Variants in LRCH3 observed in about 807,000 individuals in gnomAD.
LRCH3 encodes the protein DISP complex protein LRCH3.
A neutral mutation model predicts 104.5 loss-of-function variants in LRCH3; 68 were observed. The ratio of observed to expected loss-of-function variants is 0.65; its 90% CI spans 0.54 to 0.80. The LOEUF (loss-of-function observed/expected upper bound fraction) is 0.80, where lower values mean the gene tolerates loss of function less well. LRCH3 is among the 30% of genes least tolerant of loss of function. The probability of loss-of-function intolerance (pLI) is 0.00; values close to 1 mark genes in which losing one functional copy is unlikely to be tolerated. For missense variants in LRCH3, 951 were observed against 953.9 expected (o/e 1.00, Z 0.04); for synonymous variants, 344 against 361.3 (o/e 0.95, Z 0.54).
chr3:197,846,412 C>A (rs1314189864), intron 10 of LRCH3, among the ~76,000 whole-genome samples: 22 of 132,224 alleles, frequency 1.7e-4, no homozygotes, highest in African/African-American at 6.1e-4. Flanking sequence ...AAAAAAAAAA[C>A]GGCTGGGCGC....
At chr3:197,880,469 A>T in intron 20 of LRCH3, 1 of 1,425,974 alleles carries the variant, frequency 7.0e-7, no homozygotes, top group Non-Finnish European at 9.5e-7. Context: ...TGATCCACTG[A>T]CTTTGTTTTT....
intron 15 of LRCH3, among the ~76,000 whole-genome samples, chr3:197,860,579 C>T (rs1015746569): frequency 6.6e-5 from 10 of 151,146 alleles, no homozygotes; most frequent in East Asian, 1.9e-4. Flanking sequence ...ACATTAAAAC[C>T]GAATTCTTGT....
intron 1 of LRCH3, among the ~76,000 whole-genome samples, chr3:197,802,529 T>C (rs1181743930): frequency 1.3e-5 from 2 of 152,202 alleles, no homozygotes; most frequent in Non-Finnish European, 2.9e-5. Flanking sequence ...CCTCGTAAAA[T>C]GCGTTTGGAA....
At chr3:197,879,447 C>A (rs1167578556) in intron 20 of LRCH3, among the ~76,000 whole-genome samples, 1 of 151,210 alleles carries the variant, frequency 6.6e-6, no homozygotes, top group East Asian at 1.9e-4. Flanking sequence ...GAGATCGAGA[C>A]CATCCTGGCT....
intron 10 of LRCH3, among the ~76,000 whole-genome samples, chr3:197,845,800 G>A (rs1053977372): frequency 1.9e-4 from 29 of 152,156 alleles, no homozygotes; most frequent in African/African-American, 5.8e-4. Flanking sequence ...AGCTACTCAG[G>A]AGGCTGACGC....
Position 197,870,144 on chromosome 3 carries a change from A to G in LRCH3, c.1874-16A>G. ...TGCCAGTTGCCTTTCTGTCTTACAT[A>G]TTAATATTTTTATAGGTCATGCTTC... On this transcript the variant is annotated splice_polypyrimidine_tract_variant and intron_variant, in intron 17 of 20. Coordinates refer to ENST00000425562, the MANE Select transcript of LRCH3 (RefSeq NM_001365715.1). 6.2e-7 allele frequency: 1 copy of G among 1,609,296 alleles called. No individual in the cohort carries two copies. Among genetic ancestry groups the G allele is most frequent in the South Asian group, 1.1e-5 (1 of 90,548 alleles).
chr3:197,796,290 G>A (rs2109093528), intron 1 of LRCH3, among the ~76,000 whole-genome samples: 1 of 152,152 alleles, frequency 6.6e-6, no homozygotes, highest in Middle Eastern at 3.4e-3. Context: ...TGTTTGAATT[G>A]TGCAATAATA....
intron 8 of LRCH3, among the ~76,000 whole-genome samples, chr3:197,833,008 C>T (rs1026880158): frequency 2.6e-5 from 4 of 152,046 alleles, no homozygotes; most frequent in African/African-American, 9.7e-5. Context: ...TTCTCAGTGA[C>T]GATTTCAATT....
chr3:197,802,379 C>A (rs531546193), intron 1 of LRCH3, among the ~76,000 whole-genome samples: 1 of 152,172 alleles, frequency 6.6e-6, no homozygotes, highest in Admixed American at 6.6e-5. Context: ...TTGGAAAGAC[C>A]AAGATCTAGG....
Position 197,856,632 on chromosome 3 carries a change from C to T in LRCH3, c.1644+2187C>T, listed in dbSNP as rs1740283126. Among the ~76,000 whole-genome samples the T allele has an allele frequency of 6.6e-6, 1 of 152,150 alleles. No homozygotes were observed. Among genetic ancestry groups the T allele is most frequent in the Admixed American group, 6.5e-5 (1 of 15,274 alleles). Reference sequence around the variant, plus strand: ...TAACTCCAGGGCTCAAGCAATCCTCCTGCCCCAGCCTCCCAAAGTGCTGAG... The same window carrying T: ...TAACTCCAGGGCTCAAGCAATCCTCTTGCCCCAGCCTCCCAAAGTGCTGAG... On this transcript the variant is annotated intron_variant, in intron 14 of 20. Transcript: ENST00000425562. The surrounding 1 kb of genome is among the most constrained non-coding windows in gnomAD (Gnocchi z 4.2).
At chr3:197,839,451 A>G in intron 10 of LRCH3, 54 bp downstream of exon 10, 1 of 1,219,502 alleles carries the variant, frequency 8.2e-7, no homozygotes, top group Non-Finnish European at 1.2e-6. Context: ...TGAGAGCATA[A>G]AGTAATTTTG....
chr3:197,848,490 T>C (rs9325407), intron 12 of LRCH3: 7,467 of 153,160 alleles, frequency 0.049, 648 homozygotes, highest in African/African-American at 0.17. Flanking sequence ...CATTAATATT[T>C]CTTAACGTTT....
intron 20 of LRCH3, among the ~76,000 whole-genome samples, chr3:197,876,851 C>G (rs895854634): frequency 9.2e-5 from 13 of 141,202 alleles, no homozygotes; most frequent in Admixed American, 9.0e-4. Context: ...GGCAGTGATT[C>G]TCTTTACCCA....
At chr3:197,797,953 CA>C (rs1463731295) in intron 1 of LRCH3, among the ~76,000 whole-genome samples, 1 of 150,470 alleles carries the variant, frequency 6.6e-6, no homozygotes, top group Non-Finnish European at 1.5e-5. Flanking sequence ...AGTTATTTCA[CA>C]AATGAGAAGC....
In LRCH3 at chr3:197,812,505, T is replaced by TTTTTTTTTTTTG. The variant is rs1560530884; in HGVS notation, c.263-2392_263-2391insGTTTTTTTTTTT. On this transcript the variant is annotated intron_variant, in intron 1 of 20. Transcript: ENST00000425562. The stretch of plus-strand genomic sequence containing the variant: ...TATCTGTTCAAGTCTCTGCTTTCAG[T>TTTTTTTTTTTTG]TTTTTTTTTTTTTTTTTTTTTTTTT... Among the ~76,000 whole-genome samples, 57 of 83,462 alleles carry TTTTTTTTTTTTG rather than the reference T, an allele frequency of 6.8e-4. 6 individuals carry two copies. Among genetic ancestry groups the TTTTTTTTTTTTG allele is most frequent in the Admixed American group, 1.5e-3 (11 of 7,164 alleles). 54.8% of individuals were successfully genotyped at this position (83,462 alleles called of 152,430 possible). A position where few individuals can be genotyped will look rare whatever the true frequency, so the allele number is the denominator to read the frequency against.
chr3:197,883,486 G>A lies in LRCH3; in HGVS notation c.2209-55G>A. 1 of 1,513,938 alleles carries A rather than the reference G, an allele frequency of 6.6e-7. No homozygotes were observed. Among genetic ancestry groups the A allele is most frequent in the Non-Finnish European group, 8.8e-7 (1 of 1,133,192 alleles). The allele number at this position is 1,513,938 out of a possible 1,614,324, so 93.8% of individuals were successfully genotyped here. On this transcript the variant is annotated intron_variant, in intron 20 of 20. Transcript: ENST00000425562. This position sits in a 1 kb window ranked among gnomAD's most constrained non-coding sequence, Gnocchi z 4.2. ...GCTTATTTTTTCCTTTCAGTTCTAT[G>A]ATATTCATCCGATTTTCTTTTTTGT...
At chr3:197,806,955 C>T (rs998626258) in intron 1 of LRCH3, among the ~76,000 whole-genome samples, 1 of 151,360 alleles carries the variant, frequency 6.6e-6, no homozygotes, top group African/African-American at 2.4e-5. Context: ...CAGAGAATCA[C>T]TTGAGCCCAG....
chr3:197,870,302 C>T (rs773017560), intron 18 of LRCH3, 24 bp downstream of exon 18: 39 of 1,602,802 alleles, frequency 2.4e-5, no homozygotes, highest in Non-Finnish European at 2.8e-5. Context: ...CTTTGATTTA[C>T]ACTTTTTCAG....
Position 197,870,330 on chromosome 3 carries a change from A to G in LRCH3, c.1992+52A>G, listed in dbSNP as rs182137442. The G allele has an allele frequency of 1.8e-5, 27 of 1,524,254 alleles. No homozygotes were observed. In the Admixed American group the frequency reaches 4.6e-4, roughly 26 times the overall value. The allele number at this position is 1,524,254 out of a possible 1,614,324, so 94.4% of individuals were successfully genotyped here. A position where few individuals can be genotyped will look rare whatever the true frequency, so the allele number is the denominator to read the frequency against. On this transcript the variant is annotated intron_variant, in intron 18 of 20. Transcript: ENST00000425562. ...TTTTTCAGTATTACTGCTATAGATC[A>G]TAATCCTGTGATCACGTCTTCATTT... is the stretch of plus-strand genomic sequence containing the variant.
Sources: gnomAD v4.1 joint callset for allele counts (sites outside exome capture counted in the v4.1 genomes callset) on GRCh38, gnomAD v4.1.1 for gene constraint, Gnocchi (gnomAD v3.1) non-coding constraint, MANE v1.5 for transcripts, NCBI Gene and HGNC (gene_info 2026-07-23, HGNC 2026-07-21) for gene names.